PPFIA2: variants seen among roughly 807,000 people sequenced by gnomAD.
The protein encoded by PPFIA2 is liprin-alpha-2.
PPFIA2 carries 46 observed loss-of-function variants against 175.5 expected under a neutral mutation model. That is an observed-to-expected ratio of 0.26 (90% CI 0.21 to 0.34). The LOEUF (loss-of-function observed/expected upper bound fraction) is 0.34. Ranked by LOEUF, PPFIA2 falls within the 10% of genes least tolerant of loss-of-function variation. PPFIA2 has a pLI of 1.00. For missense variants in PPFIA2, 1,179 were observed against 1,506.1 expected (o/e 0.78, Z 3.60); for synonymous variants, 568 against 511.4 (o/e 1.11, Z -1.49).
At chr12:81,619,179 C>T (rs117233319) in intron 4 of PPFIA2, among the ~76,000 whole-genome samples, 2,466 of 152,206 alleles carry the variant, frequency 0.016, 42 homozygotes, top group Non-Finnish European at 0.028. Context: ...GTAAAACATC[C>T]GTCTCTGGTA....
At chr12:81,758,032 A>G (rs774447167) in intron 2 of PPFIA2, among the ~76,000 whole-genome samples, 1 of 152,152 alleles carries the variant, frequency 6.6e-6, no homozygotes, top group Non-Finnish European at 1.5e-5. Context: ...TCCTCGGGAA[A>G]TATGATTATC....
At chr12:81,580,186 G>A (rs987656903) in intron 4 of PPFIA2, among the ~76,000 whole-genome samples, 1 of 151,768 alleles carries the variant, frequency 6.6e-6, no homozygotes, top group Non-Finnish European at 1.5e-5. Flanking sequence ...TTGCATTCGT[G>A]CATGTCAAGC....
intron 8 of PPFIA2, among the ~76,000 whole-genome samples, chr12:81,399,094 A>C (rs904854012): frequency 2.0e-5 from 3 of 152,002 alleles, no homozygotes; most frequent in African/African-American, 7.2e-5. Context: ...GAAAAACTTA[A>C]AAATTCTCCT....
chr12:81,261,247 T>A (rs2035403151), intron 32 of PPFIA2: 1 of 152,086 alleles, frequency 6.6e-6, no homozygotes, highest in African/African-American at 2.4e-5. Context: ...TAAGACGGAG[T>A]CATGCTCTGT....
intron 4 of PPFIA2, among the ~76,000 whole-genome samples, chr12:81,463,104 G>A (rs1177325875): frequency 6.6e-6 from 1 of 152,006 alleles, no homozygotes; most frequent in African/African-American, 2.4e-5. Flanking sequence ...ATATAAAAAT[G>A]TATGATTTAA....
chr12:81,335,056 T>C (rs2056881268), intron 21 of PPFIA2, among the ~76,000 whole-genome samples: 1 of 152,178 alleles, frequency 6.6e-6, no homozygotes, highest in Non-Finnish European at 1.5e-5. Flanking sequence ...AGCAGTGTGT[T>C]TGGAATTGAT....
intron 3 of PPFIA2, among the ~76,000 whole-genome samples, chr12:81,747,588 C>T (rs1197445877): frequency 7.0e-6 from 1 of 143,584 alleles, no homozygotes; most frequent in East Asian, 2.1e-4. Flanking sequence ...ATTTATTGAG[C>T]ATGTACTACC....
chr12:81,698,691 C>T (rs942232327), intron 3 of PPFIA2, among the ~76,000 whole-genome samples: 1 of 151,886 alleles, frequency 6.6e-6, no homozygotes, highest in Non-Finnish European at 1.5e-5. Flanking sequence ...ATTCCCTATG[C>T]CTGTGGAAGA....
intron 17 of PPFIA2, among the ~76,000 whole-genome samples, chr12:81,348,861 C>A (rs953502285): frequency 1.3e-5 from 2 of 152,042 alleles, no homozygotes; most frequent in African/African-American, 4.8e-5. Context: ...AACTGTGTAC[C>A]AGTATAGTTT....
At chr12:81,633,837 C>A (rs1275428498) in intron 4 of PPFIA2, among the ~76,000 whole-genome samples, 1 of 151,704 alleles carries the variant, frequency 6.6e-6, no homozygotes, top group African/African-American at 2.4e-5. Context: ...GTGTTTGGAG[C>A]AGGGGGGAGA....
At chr12:81,389,848 T>G (rs540487209) in intron 8 of PPFIA2, among the ~76,000 whole-genome samples, 27 of 152,178 alleles carry the variant, frequency 1.8e-4, no homozygotes, top group African/African-American at 6.3e-4. Context: ...AAAAGTTCAG[T>G]GGAGTTTAGT....
chr12:81,291,558 C>G (rs2044993116), intron 24 of PPFIA2, among the ~76,000 whole-genome samples: 1 of 151,912 alleles, frequency 6.6e-6, no homozygotes, highest in South Asian at 2.1e-4. Flanking sequence ...TGAATATTTA[C>G]ATAATATCTA....
At chr12:81,568,138 G>C (rs1567372047) in intron 4 of PPFIA2, among the ~76,000 whole-genome samples, 1 of 152,268 alleles carries the variant, frequency 6.6e-6, no homozygotes, top group Non-Finnish European at 1.5e-5. Flanking sequence ...CCCACTAGGG[G>C]GTGGATAAAA....
intron 13 of PPFIA2, among the ~76,000 whole-genome samples, chr12:81,367,596 T>A (rs1851384): frequency 0.23 from 34,472 of 151,406 alleles, 5,220 homozygotes; most frequent in East Asian, 0.46. Flanking sequence ...TCATATTTTT[T>A]AAAATTTCAC....
chr12:81,352,377 C>G (rs1303551916), intron 17 of PPFIA2, among the ~76,000 whole-genome samples: 2 of 145,268 alleles, frequency 1.4e-5, no homozygotes, highest in Admixed American at 6.9e-5. Context: ...GGGGGGCAGA[C>G]AGAGAGAGAG....
chr12:81,569,279 C>T lies in PPFIA2; in HGVS notation c.303+107512G>A, dbSNP rs553820391. ...TTAGATTTCTTACAATTTGAAGAAA[C>T]TTTATACCATATTGGTTCTGCTGTA... is the stretch of plus-strand genomic sequence containing the variant. On this transcript the variant is annotated intron_variant, in intron 4 of 32. Coordinates refer to ENST00000549396, the MANE Select transcript of PPFIA2 (RefSeq NM_003625.5). Among the ~76,000 whole-genome samples the T allele has an allele frequency of 1.5e-4, 23 of 151,192 alleles. No individual in the cohort carries two copies. In the South Asian group the frequency reaches 4.8e-3, roughly 31 times the overall value.
At chr12:81,710,058 C>G (rs1318752786) in intron 3 of PPFIA2, among the ~76,000 whole-genome samples, 1 of 151,866 alleles carries the variant, frequency 6.6e-6, no homozygotes, top group Non-Finnish European at 1.5e-5. Flanking sequence ...GCCTATTCTT[C>G]TACTGGAAAG....
chr12:81,536,462 G>A (rs908186940), intron 4 of PPFIA2, among the ~76,000 whole-genome samples: 11 of 150,642 alleles, frequency 7.3e-5, no homozygotes, highest in Admixed American at 5.3e-4. Flanking sequence ...AGATACCAAC[G>A]AAAGACAAGT....
At chr12:81,457,011 T>TTA (rs2053683004) in intron 5 of PPFIA2, among the ~76,000 whole-genome samples, 1 of 151,874 alleles carries the variant, frequency 6.6e-6, no homozygotes, top group East Asian at 1.9e-4. Flanking sequence ...TTATTTATTA[T>TTA]TATTATTTTT....
Sources: gnomAD v4.1 joint callset for allele counts (sites outside exome capture counted in the v4.1 genomes callset) on GRCh38, gnomAD v4.1.1 for gene constraint, MANE v1.5 for transcripts, NCBI Gene and HGNC (gene_info 2026-07-23, HGNC 2026-07-21) for gene names.